NPAS3: variants seen among roughly 807,000 people sequenced by gnomAD.
The protein encoded by NPAS3 is neuronal PAS domain-containing protein 3.
In NPAS3, 14 loss-of-function variants were observed where a neutral mutation model predicts 73.1. That is an observed-to-expected ratio of 0.19 (90% confidence interval 0.13 to 0.30). The LOEUF (loss-of-function observed/expected upper bound fraction) is 0.30, where lower values mean the gene tolerates loss of function less well. NPAS3 is among the 10% of genes least tolerant of loss of function. The pLI, the probability that NPAS3 is intolerant of heterozygous loss-of-function variation, is 1.00. For missense variants in NPAS3, 1,096 were observed against 1,250.0 expected (o/e 0.88, Z 1.86); for synonymous variants, 620 against 541.5 (o/e 1.14, Z -2.01).
intron 3 of NPAS3, among the ~76,000 whole-genome samples, chr14:33,352,444 T>A (rs1048769150): frequency 2.2e-4 from 34 of 152,242 alleles, no homozygotes; most frequent in African/African-American, 7.7e-4. Context: ...TTACTAGGTA[T>A]GTGCTAGAAA....
At chr14:33,797,499 C>A (rs1290665533) in exon 11 of NPAS3, 3 of 1,614,026 alleles carry the variant, frequency 1.9e-6, no homozygotes, top group African/African-American at 1.3e-5. Context: ...TCGCACAGCT[C>A]CCCCATCTGC....
At chr14:33,253,254 C>G (rs1463347317) in intron 3 of NPAS3, among the ~76,000 whole-genome samples, 1 of 152,052 alleles carries the variant, frequency 6.6e-6, no homozygotes, top group South Asian at 2.1e-4. Context: ...ATAAATGTTC[C>G]CTTTTCTCCA....
chr14:33,243,985 G>C (rs775307613), intron 3 of NPAS3, among the ~76,000 whole-genome samples: 1 of 152,096 alleles, frequency 6.6e-6, no homozygotes, highest in Non-Finnish European at 1.5e-5. Flanking sequence ...AAAATAATGT[G>C]AAAGCTTCTT....
At chr14:33,372,106 T>C (rs1461666387) in intron 4 of NPAS3, among the ~76,000 whole-genome samples, 4 of 152,148 alleles carry the variant, frequency 2.6e-5, no homozygotes, top group Non-Finnish European at 4.4e-5. Context: ...CAGTAACTAA[T>C]TGAATTTGGA....
chr14:33,761,593 A>C (rs773657469), intron 7 of NPAS3, among the ~76,000 whole-genome samples: 1 of 152,216 alleles, frequency 6.6e-6, no homozygotes, highest in Non-Finnish European at 1.5e-5. Context: ...AAAATGGAAC[A>C]ATCTTTTCAG....
At chr14:33,180,228 T>A (rs1001315733) in intron 2 of NPAS3, among the ~76,000 whole-genome samples, 1 of 151,874 alleles carries the variant, frequency 6.6e-6, no homozygotes, top group Non-Finnish European at 1.5e-5. Context: ...AAGCCTTAAA[T>A]TTTTTTGTTT....
chr14:33,095,512 A>G (rs1428868307), intron 2 of NPAS3, among the ~76,000 whole-genome samples: 1 of 152,158 alleles, frequency 6.6e-6, no homozygotes, highest in African/African-American at 2.4e-5. Flanking sequence ...AAAGAACTTC[A>G]TTATGGCAAT....
intron 3 of NPAS3, among the ~76,000 whole-genome samples, chr14:33,276,039 C>A (rs2140036342): frequency 6.6e-6 from 1 of 152,204 alleles, no homozygotes; most frequent in African/African-American, 2.4e-5. Flanking sequence ...TTGATACTTA[C>A]AGTTTCATGC....
At chr14:33,516,258 T>C (rs1291546976) in intron 4 of NPAS3, among the ~76,000 whole-genome samples, 1 of 152,116 alleles carries the variant, frequency 6.6e-6, no homozygotes, top group Non-Finnish European at 1.5e-5. Context: ...GATCATAAAG[T>C]GAGATAGAGA....
At chr14:33,751,598 A>G (rs1415320556) in intron 7 of NPAS3, among the ~76,000 whole-genome samples, 5 of 152,206 alleles carry the variant, frequency 3.3e-5, no homozygotes. Flanking sequence ...ATGTCTCTGT[A>G]TTTGGTAAAA....
intron 4 of NPAS3, among the ~76,000 whole-genome samples, chr14:33,477,517 G>A (rs112864324): frequency 0.045 from 6,880 of 151,944 alleles, 205 homozygotes; most frequent in African/African-American, 0.073. Context: ...CAGAACATAC[G>A]TACTCATGCA....
intron 3 of NPAS3, among the ~76,000 whole-genome samples, chr14:33,312,470 A>G (rs1173236455): frequency 6.6e-6 from 1 of 151,956 alleles, no homozygotes; most frequent in Non-Finnish European, 1.5e-5. Context: ...CAACGGGAGT[A>G]ATATATTTTA....
At chr14:33,327,284 G>A (rs913960791) in intron 3 of NPAS3, among the ~76,000 whole-genome samples, 7 of 152,132 alleles carry the variant, frequency 4.6e-5, no homozygotes, top group South Asian at 2.1e-4. Flanking sequence ...TGTACGACAC[G>A]CTGTGCTAAA....
chr14:33,547,543 T>C (rs1262776243), intron 4 of NPAS3, among the ~76,000 whole-genome samples: 1 of 152,270 alleles, frequency 6.6e-6, no homozygotes, highest in East Asian at 1.9e-4. Context: ...TACGGGAACA[T>C]TGGCTGCGAA....
At chr14:33,689,104 T>C (rs939958978) in intron 6 of NPAS3, among the ~76,000 whole-genome samples, 2 of 152,224 alleles carry the variant, frequency 1.3e-5, no homozygotes, top group African/African-American at 4.8e-5. Flanking sequence ...ACGTAGTACG[T>C]AGGGCCTTAG....
At chr14:33,375,500 A>C (rs1385576645) in intron 4 of NPAS3, among the ~76,000 whole-genome samples, 2 of 152,228 alleles carry the variant, frequency 1.3e-5, no homozygotes, top group African/African-American at 4.8e-5. Flanking sequence ...TCACGTATGA[A>C]CAACTCAAGA....
chr14:33,546,787 A>T (rs183930642), intron 4 of NPAS3, among the ~76,000 whole-genome samples: 191 of 152,338 alleles, frequency 1.3e-3, no homozygotes, highest in Non-Finnish European at 2.3e-3. Flanking sequence ...GAAAGAGCTG[A>T]GCTTGTTGCA....
rs192292515 is a variant in NPAS3, at chr14:33,249,103, T to C, written c.385+33677T>C. 4.2e-4 allele frequency among the ~76,000 whole-genome samples: 64 copies of C among 152,228 alleles called. 1 individual carries two copies. The highest frequency in any genetic ancestry group is 1.4e-3 in the African/African-American group (59 of 41,562). ...TGACTGACATGTCTGAGGAAATAAG[T>C]TAAATAAAAATTTAAATCTTTATAG... On this transcript the variant is annotated intron_variant, in intron 3 of 11. Coordinates refer to ENST00000356141, the Ensembl canonical transcript of NPAS3.
At chr14:33,158,730 G>C (rs551193274) in intron 2 of NPAS3, among the ~76,000 whole-genome samples, 1 of 152,294 alleles carries the variant, frequency 6.6e-6, no homozygotes, top group South Asian at 2.1e-4. Context: ...CCACGAGATG[G>C]GGGTGCTTTA....
Sources: gnomAD v4.1 joint callset for allele counts (sites outside exome capture counted in the v4.1 genomes callset) on GRCh38, gnomAD v4.1.1 for gene constraint, MANE v1.5 for transcripts, NCBI Gene and HGNC (gene_info 2026-07-23, HGNC 2026-07-21) for gene names.